Variants in FGD5 observed in about 807,000 individuals in gnomAD.
FGD5 encodes FYVE, RhoGEF and PH domain-containing protein 5.
A neutral mutation model predicts 133.4 loss-of-function variants in FGD5; 28 were observed. That is an observed-to-expected ratio of 0.21 (90% CI 0.16 to 0.29). The LOEUF is 0.29. FGD5 is among the 10% of genes least tolerant of loss of function. The pLI is 1.00. For missense variants in FGD5, 1,858 were observed against 1,895.2 expected (o/e 0.98, Z 0.36); for synonymous variants, 810 against 776.5 (o/e 1.04, Z -0.72).
chr3:14,888,299 G>C (rs903064), intron 4 of FGD5, among the ~76,000 whole-genome samples: 107,052 of 152,106 alleles, frequency 0.7, 37,793 homozygotes, highest in Non-Finnish European at 0.73. Flanking sequence ...ATCTGAAGTC[G>C]AAAATAAGTG....
intron 1 of FGD5, among the ~76,000 whole-genome samples, chr3:14,826,609 G>A (rs2125073501): frequency 6.6e-6 from 1 of 152,324 alleles, no homozygotes; most frequent in African/African-American, 2.4e-5. Flanking sequence ...AGTTAATACG[G>A]TACATGGTAA....
chr3:14,865,680 T>C (rs80313185), intron 2 of FGD5, among the ~76,000 whole-genome samples: 14,168 of 152,234 alleles, frequency 0.093, 822 homozygotes, highest in East Asian at 0.3. Context: ...GCACCATTAC[T>C]CCTGTTTTAC....
intron 1 of FGD5, among the ~76,000 whole-genome samples, chr3:14,857,343 C>T (rs1266461640): frequency 7.9e-5 from 12 of 152,034 alleles, no homozygotes; most frequent in African/African-American, 1.2e-4. Flanking sequence ...ATTTTAGAGA[C>T]GGGATCTCAT....
At chr3:14,915,174 C>A (rs892772645) in intron 11 of FGD5, among the ~76,000 whole-genome samples, 1 of 152,226 alleles carries the variant, frequency 6.6e-6, no homozygotes, top group Non-Finnish European at 1.5e-5. Context: ...TGGGACACAG[C>A]AAGGCCCGGA....
intron 7 of FGD5, 74 bp downstream of exon 7, chr3:14,898,900 C>G (rs2038187732): frequency 7.6e-7 from 1 of 1,323,092 alleles, no homozygotes; most frequent in African/African-American, 1.5e-5. Flanking sequence ...GTGGAGGGGA[C>G]TGTGGTGACC....
At position 14,850,599 on chromosome 3, in the gene FGD5, A is replaced by C. The variant is rs1462895427; in HGVS notation, c.2526-13529A>C. ...GGGATAGGACAGTCATTTGTCGGGCACCTACTGTGTGCACTTCATGGAGGA... is the reference window on the plus strand; with the variant it reads ...GGGATAGGACAGTCATTTGTCGGGCCCCTACTGTGTGCACTTCATGGAGGA... On this transcript the variant is annotated intron_variant, in intron 1 of 19. Transcript: ENST00000285046. Among the ~76,000 whole-genome samples, 5 of 152,164 alleles carry C rather than the reference A, an allele frequency of 3.3e-5. No individual in the cohort carries two copies. In the South Asian group the frequency reaches 6.2e-4, roughly 19 times the overall value.
intron 11 of FGD5, among the ~76,000 whole-genome samples, chr3:14,913,062 A>T (rs1559503644): frequency 6.6e-6 from 1 of 152,018 alleles, no homozygotes; most frequent in African/African-American, 2.4e-5. Flanking sequence ...CTCTCCATTG[A>T]GAGAAATCCC....
intron 3 of FGD5, 29 bp from the exon 4 acceptor site, chr3:14,880,713 T>G (rs2037808620): frequency 6.2e-7 from 1 of 1,613,922 alleles, no homozygotes; most frequent in African/African-American, 1.3e-5. Context: ...TGGGGATTAA[T>G]GCAGCCTCAA....
rs559876208 is a variant in FGD5, at chr3:14,906,896, T to G, written c.3265-744T>G. Among the ~76,000 whole-genome samples, 6 of 152,358 alleles carry G rather than the reference T, an allele frequency of 3.9e-5. No individual in the cohort carries two copies. In the South Asian group the frequency reaches 1.2e-3, roughly 32 times the overall value. On this transcript the variant is annotated intron_variant, in intron 9 of 19. Transcript: ENST00000285046. ...ATGATTTTGAAGGTTATCTGGCTTT[T>G]TCACACTACAATGAGAACAGTGTTC...
intron 4 of FGD5, among the ~76,000 whole-genome samples, chr3:14,890,988 A>G (rs915223571): frequency 2.6e-5 from 4 of 152,190 alleles, no homozygotes; most frequent in Non-Finnish European, 5.9e-5. Flanking sequence ...CAGTCGTCCA[A>G]TACCCTATCT....
At chr3:14,845,944 G>A (rs1005407332) in intron 1 of FGD5, among the ~76,000 whole-genome samples, 1 of 152,140 alleles carries the variant, frequency 6.6e-6, no homozygotes, top group African/African-American at 2.4e-5. Context: ...GATGTGGAGT[G>A]AGGTATGTGC....
intron 1 of FGD5, among the ~76,000 whole-genome samples, chr3:14,849,262 C>T (rs2037115823): frequency 1.3e-5 from 2 of 152,230 alleles, no homozygotes; most frequent in Non-Finnish European, 1.5e-5. Context: ...CGCCCACCTG[C>T]CCTACAGGTG....
chr3:14,861,159 G>A lies in FGD5; in HGVS notation c.2526-2969G>A, dbSNP rs371749632. On this transcript the variant is annotated intron_variant, in intron 1 of 19. Coordinates refer to ENST00000285046, the MANE Select transcript of FGD5 (RefSeq NM_152536.4). Reference sequence around the variant, plus strand: ...AGGCAGCAACGGCCACGCTGAAGACGGGGGAGTGGCTCGGGTTTGGGAAGC... The same window carrying A: ...AGGCAGCAACGGCCACGCTGAAGACAGGGGAGTGGCTCGGGTTTGGGAAGC... Among the ~76,000 whole-genome samples the A allele has an allele frequency of 7.9e-5, 12 of 152,270 alleles. 1 individual carries two copies. The South Asian group carries it at 1.7e-3, about 21-fold the overall frequency.
chr3:14,843,221 A>G (rs909666659), intron 1 of FGD5, among the ~76,000 whole-genome samples: 1 of 152,114 alleles, frequency 6.6e-6, no homozygotes, highest in Non-Finnish European at 1.5e-5. Context: ...TTGGCACAGT[A>G]CTTGGCACAT....
At chr3:14,812,297 C>G (rs1019094705) in intron 1 of FGD5, among the ~76,000 whole-genome samples, 1 of 152,184 alleles carries the variant, frequency 6.6e-6, no homozygotes, top group Admixed American at 6.5e-5. Context: ...GCCCAGCCAG[C>G]CACTGCTTGG....
intron 1 of FGD5, 29 bp downstream of exon 1, chr3:14,821,625 T>C: frequency 1.3e-6 from 2 of 1,526,728 alleles, no homozygotes; most frequent in Non-Finnish European, 1.8e-6. Context: ...CCTTTCTTGT[T>C]CGGCAGCTGT....
intron 1 of FGD5, among the ~76,000 whole-genome samples, chr3:14,847,790 A>T (rs2037078363): frequency 6.6e-6 from 1 of 152,200 alleles, no homozygotes; most frequent in Non-Finnish European, 1.5e-5. Flanking sequence ...TGTCATGGTC[A>T]GCAGATGAGG....
intron 4 of FGD5, among the ~76,000 whole-genome samples, chr3:14,887,217 C>G (rs1466216032): frequency 6.6e-6 from 1 of 152,136 alleles, no homozygotes; most frequent in Non-Finnish European, 1.5e-5. Flanking sequence ...TTGCTGTCTG[C>G]CTTCATCACT....
intron 1 of FGD5, among the ~76,000 whole-genome samples, chr3:14,811,609 T>TC (rs2036295938): frequency 6.6e-6 from 1 of 151,832 alleles, no homozygotes; most frequent in South Asian, 2.1e-4. Flanking sequence ...TGAATTTGAC[T>TC]CCCCCAGCTC....
Sources: allele counts gnomAD v4.1 joint callset (sites outside exome capture counted in the v4.1 genomes callset), GRCh38; gene constraint gnomAD v4.1.1; transcripts MANE v1.5; gene names NCBI Gene and HGNC (gene_info 2026-07-23, HGNC 2026-07-21).